Variants in NNT observed in about 807,000 individuals in gnomAD.
NNT encodes nicotinamide nucleotide transhydrogenase.
A neutral mutation model predicts 104.8 loss-of-function variants in NNT; 50 were observed. The ratio of observed to expected loss-of-function variants is 0.48; its 90% CI spans 0.38 to 0.60. The LOEUF is 0.60. NNT is among the 20% of genes least tolerant of loss of function. The pLI is 0.00. For missense variants in NNT, 1,131 were observed against 1,330.7 expected (o/e 0.85, Z 2.33); for synonymous variants, 461 against 490.4 (o/e 0.94, Z 0.79).
intron 7 of NNT, among the ~76,000 whole-genome samples, chr5:43,628,879 G>T (rs1289179732): frequency 4.0e-5 from 6 of 151,738 alleles, no homozygotes; most frequent in African/African-American, 1.2e-4. Flanking sequence ...GAGTTACCAC[G>T]CCTAGCCCTT....
At chr5:43,693,597 G>A (rs1036315195) in intron 19 of NNT, among the ~76,000 whole-genome samples, 1 of 152,104 alleles carries the variant, frequency 6.6e-6, no homozygotes, top group Non-Finnish European at 1.5e-5. Context: ...TCAGTATTTT[G>A]CCTCATTCAT....
In NNT at chr5:43,615,891, C is replaced by T; in HGVS notation, c.425C>T (p.Ala142Val). Reference sequence around the variant, plus strand: ...AATCCAACATTAGGTGTTCATGAAGCTGACCTTTTAAAGACATCAGGAACG... The same window carrying T: ...AATCCAACATTAGGTGTTCATGAAGTTGACCTTTTAAAGACATCAGGAACG... ...MVNPTLGVHE[A>V]DLLKTSGTLI... Residue 142 changes from alanine to valine, a missense_variant, in exon 4 of 22, where the codon GCT (alanine) becomes GTT (valine). Physicochemically the swap from Ala to Val is moderately conservative, Grantham distance 64. Coordinates refer to ENST00000344920, the MANE Select transcript of NNT (RefSeq NM_182977.3). 1 of 1,614,156 alleles carries T rather than the reference C, an allele frequency of 6.2e-7. No individual in the cohort carries two copies. The highest frequency in any genetic ancestry group is 8.5e-7 in the Non-Finnish European group (1 of 1,180,006).
At chr5:43,681,259 CAA>C (rs559273026) in intron 19 of NNT, among the ~76,000 whole-genome samples, 33 of 58,712 alleles carry the variant, frequency 5.6e-4, no homozygotes, top group African/African-American at 1.2e-3. Context: ...GGCTCCTTCT[CAA>C]AAAAAAAAAA....
At position 43,677,648 on chromosome 5, in the gene NNT, C is replaced by T. The variant is rs946944779; in HGVS notation, c.2795-77C>T. ...CTCTGTTGGCATAAACATGTGTTTT[C>T]ATCAAGAGAGAAGTTGTACTTCATG... is the stretch of plus-strand genomic sequence containing the variant. On this transcript the variant is annotated intron_variant, in intron 18 of 21. Coordinates refer to ENST00000344920, the MANE Select transcript of NNT (RefSeq NM_182977.3). 28 of 1,289,170 alleles carry T rather than the reference C, an allele frequency of 2.2e-5. No individual in the cohort carries two copies. In the African/African-American group the frequency reaches 4.1e-4, roughly 19 times the overall value. The allele number at this position is 1,289,170 out of a possible 1,614,324, so 79.9% of individuals were successfully genotyped here. A position where few individuals can be genotyped will look rare whatever the true frequency, so the allele number is the denominator to read the frequency against.
At chr5:43,637,748 A>C (rs1056578655) in intron 7 of NNT, among the ~76,000 whole-genome samples, 1 of 152,192 alleles carries the variant, frequency 6.6e-6, no homozygotes, top group Non-Finnish European at 1.5e-5. Context: ...CTTCTTTTTC[A>C]GAAATCCTTA....
At chr5:43,671,886 C>T (rs767611233) in intron 17 of NNT, among the ~76,000 whole-genome samples, 1 of 152,162 alleles carries the variant, frequency 6.6e-6, no homozygotes, top group Non-Finnish European at 1.5e-5. Flanking sequence ...TGTTTTCCAA[C>T]TTGGTTCCAT....
intron 17 of NNT, among the ~76,000 whole-genome samples, chr5:43,661,827 T>C (rs1437971120): frequency 1.3e-5 from 2 of 152,096 alleles, no homozygotes; most frequent in Non-Finnish European, 2.9e-5. Flanking sequence ...ACATTTGGGT[T>C]GGTTCCAAGT....
rs571255552 is a variant in NNT, at chr5:43,652,941, C to T, written c.1864-77C>T. 1,265 of 1,094,334 alleles carry T rather than the reference C, an allele frequency of 1.2e-3. 2 individuals are homozygous for T. Among genetic ancestry groups the T allele is most frequent in the Non-Finnish European group, 1.5e-3 (1,110 of 764,908 alleles). 67.8% of individuals were successfully genotyped at this position (1,094,334 alleles called of 1,614,324 possible). ...TTAATATGTTAATATTCCTAATTGG[C>T]AGGAAAATATATTGAAATCTCTAAG... is the stretch of plus-strand genomic sequence containing the variant. On this transcript the variant is annotated intron_variant, in intron 13 of 21. Coordinates refer to ENST00000344920, the MANE Select transcript of NNT (RefSeq NM_182977.3).
chr5:43,669,558 G>C (rs1160241695), intron 17 of NNT, among the ~76,000 whole-genome samples: 3 of 151,998 alleles, frequency 2.0e-5, no homozygotes, highest in African/African-American at 4.8e-5. Flanking sequence ...TTTGTCATTG[G>C]TTCTGTTTAT....
intron 14 of NNT, among the ~76,000 whole-genome samples, chr5:43,655,190 AATTTG>A (rs765981491): frequency 6.6e-6 from 1 of 152,098 alleles, no homozygotes; most frequent in Non-Finnish European, 1.5e-5. Context: ...AATATAAGGG[AATTTG>A]ATTAGAGATT....
At chr5:43,625,803 C>T (rs1014006218) in intron 6 of NNT, among the ~76,000 whole-genome samples, 10 of 152,018 alleles carry the variant, frequency 6.6e-5, no homozygotes, top group East Asian at 1.9e-4. Flanking sequence ...TCTTCCAATT[C>T]GGAAAAATGT....
rs182560845 is a variant in NNT, at chr5:43,642,079, G to C, written c.965-2113G>C. On this transcript the variant is annotated intron_variant, in intron 7 of 21. Coordinates refer to ENST00000344920, the MANE Select transcript of NNT (RefSeq NM_182977.3). ...AGAAAGAAGGAGTCTCACATATCTA[G>C]GGCAGGAGAAATTAGTTAGATGCCA... Among the ~76,000 whole-genome samples the C allele has an allele frequency of 5.4e-3, 830 of 152,324 alleles. 4 individuals carry two copies. Among genetic ancestry groups the C allele is most frequent in the Non-Finnish European group, 7.1e-3 (485 of 68,034 alleles).
rs1319777492 is a variant in NNT at position 43,618,982 on chromosome 5, A to C, written c.600-50A>C. ...ACTTATGATGATATGTGAGTCTGAG[A>C]TCTCTCCTTTTATGGAATTATTTAT... is the stretch of plus-strand genomic sequence containing the variant. On this transcript the variant is annotated intron_variant, in intron 4 of 21. Transcript: ENST00000344920. The C allele has an allele frequency of 2.7e-6, 3 of 1,112,700 alleles. No individual in the cohort carries two copies. In the African/African-American group the frequency reaches 4.8e-5, roughly 18 times the overall value. 68.9% of individuals were successfully genotyped at this position (1,112,700 alleles called of 1,614,324 possible).
At chr5:43,698,371 C>A (rs564530469) in intron 19 of NNT, among the ~76,000 whole-genome samples, 2 of 152,018 alleles carry the variant, frequency 1.3e-5, no homozygotes, top group African/African-American at 4.8e-5. Context: ...TCTCTGCTTT[C>A]CTCTCATATC....
rs1196459045 is a variant in NNT at position 43,702,690 on chromosome 5, C to CT, written c.3066dup (p.Ile1023TyrfsTer9). On this transcript the variant is annotated frameshift_variant, in exon 21 of 22. Transcript: ENST00000344920. LOFTEE classifies it high-confidence loss of function. ...TCAGCAGCTCAAGAAGATCCCAACT[C>CT]TATTATTGCAGGCATGCCAGTCCTT... The CT allele has an allele frequency of 6.2e-7, 1 of 1,612,816 alleles. No individual in the cohort carries two copies. The highest frequency in any genetic ancestry group is 1.3e-5 in the African/African-American group (1 of 74,874).
intron 1 of NNT, among the ~76,000 whole-genome samples, chr5:43,608,590 T>C (rs2111769245): frequency 6.6e-6 from 1 of 152,348 alleles, no homozygotes; most frequent in Middle Eastern, 3.4e-3. Context: ...GAATCTTTTG[T>C]TCACTCAGTC....
rs558275721 is a variant in NNT, at chr5:43,651,726, T to G, written c.1718-13T>G. 1,118 of 1,613,762 alleles carry G rather than the reference T, an allele frequency of 6.9e-4. 11 individuals are homozygous for G. The South Asian group carries it at 0.011, about 16-fold the overall frequency. On this transcript the variant is annotated splice_polypyrimidine_tract_variant and intron_variant, in intron 12 of 21. Coordinates refer to ENST00000344920, the MANE Select transcript of NNT (RefSeq NM_182977.3). ...AGAGGTACTATGTTTTTTATTTCCT[T>G]TGGTTTGCTAAGGTGGCTTTCTGGT...
At chr5:43,680,535 G>A (rs1312721623) in intron 19 of NNT, among the ~76,000 whole-genome samples, 1 of 152,174 alleles carries the variant, frequency 6.6e-6, no homozygotes, top group African/African-American at 2.4e-5. Flanking sequence ...ATGTGCCAGT[G>A]TGGACATATG....
rs191799135 is a variant in NNT at position 43,659,034 on chromosome 5, C to A, written c.2455-137C>A. On this transcript the variant is annotated intron_variant, in intron 16 of 21. Coordinates refer to ENST00000344920, the MANE Select transcript of NNT (RefSeq NM_182977.3). Reference sequence around the variant, plus strand: ...GTGGAAGTGTTGGTCAGATGGGAGACACTTATTACCGGAAGTGGAACTTAT... The same window carrying A: ...GTGGAAGTGTTGGTCAGATGGGAGAAACTTATTACCGGAAGTGGAACTTAT... 2.7e-4 allele frequency: 205 copies of A among 756,704 alleles called. 1 individual carries two copies. In the East Asian group the frequency reaches 5.3e-3, roughly 20 times the overall value. 46.9% of individuals were successfully genotyped at this position (756,704 alleles called of 1,614,324 possible).
Sources: gnomAD v4.1 joint callset for allele counts (sites outside exome capture counted in the v4.1 genomes callset) on GRCh38, gnomAD v4.1.1 for gene constraint, MANE v1.5 for transcripts, NCBI Gene and HGNC (gene_info 2026-07-23, HGNC 2026-07-21) for gene names.